Variants in IRF8 observed in about 807,000 individuals in gnomAD.
The protein encoded by IRF8 is interferon consensus sequence binding protein 1.
In IRF8, 14 loss-of-function variants were observed where a neutral mutation model predicts 48.7. The ratio of observed to expected loss-of-function variants is 0.29; its 90% CI spans 0.19 to 0.45. IRF8 has a LOEUF of 0.45. Ranked by LOEUF, IRF8 falls within the 20% of genes least tolerant of loss-of-function variation. IRF8 has a pLI of 1.00. For synonymous variants in IRF8, 278 were observed against 227.3 expected (o/e 1.22, Z -2.01); for missense variants, 493 against 580.7 (o/e 0.85, Z 1.55).
intron 2 of IRF8, among the ~76,000 whole-genome samples, chr16:85,904,421 C>A (rs2152099178): frequency 6.6e-6 from 1 of 152,246 alleles, no homozygotes; most frequent in African/African-American, 2.4e-5. Flanking sequence ...CACCAGAGAA[C>A]AAAAATGACA....
At chr16:85,911,921 T>A (rs1255837821) in intron 4 of IRF8, among the ~76,000 whole-genome samples, 1 of 152,220 alleles carries the variant, frequency 6.6e-6, no homozygotes, top group Non-Finnish European at 1.5e-5. Flanking sequence ...CGGTTATGTG[T>A]CAGTGAAGTT....
intron 5 of IRF8, chr16:85,914,217 T>C (rs893015974): frequency 3.3e-5 from 18 of 541,184 alleles, no homozygotes; most frequent in African/African-American, 1.9e-4. Context: ...CAGTGTCACA[T>C]TGACACATGG....
chr16:85,908,882 A>G, intron 2 of IRF8, 108 bp from the exon 3 acceptor site: 1 of 994,450 alleles, frequency 1.0e-6, no homozygotes, highest in South Asian at 1.3e-5. Context: ...GTTGATGGCC[A>G]ACAAAGATTC....
chr16:85,919,312 A>G (rs1025483652), intron 7 of IRF8, among the ~76,000 whole-genome samples: 15 of 151,994 alleles, frequency 9.9e-5, no homozygotes, highest in African/African-American at 3.6e-4. Flanking sequence ...TGTAGGGAGG[A>G]TGTGTAGGAT....
In IRF8 at chr16:85,921,530, A is replaced by C; in HGVS notation, c.*248A>C. On this transcript the variant is annotated 3_prime_UTR_variant, in exon 9 of 9. Coordinates refer to ENST00000268638, the MANE Select transcript of IRF8 (RefSeq NM_002163.4). ...CCTGTGGCTAAAAATTTTATTTTCT[A>C]TCCTTTACCCGTCATTATCATTAGT... The C allele has an allele frequency of 1.9e-6, 1 of 531,446 alleles. No individual in the cohort carries two copies. The highest frequency in any genetic ancestry group is 3.4e-6 in the Non-Finnish European group (1 of 294,050). The allele number at this position is 531,446 out of a possible 1,614,324, so 32.9% of individuals were successfully genotyped here.
chr16:85,919,998 TG>T, intron 7 of IRF8, 110 bp from the exon 8 acceptor site: 1 of 803,072 alleles, frequency 1.2e-6, no homozygotes, highest in Non-Finnish European at 2.2e-6. Flanking sequence ...CATGGTGCCC[TG>T]GCCTAAATGC....
Position 85,905,935 on chromosome 16 carries a change from C to T in IRF8, c.174+2746C>T, listed in dbSNP as rs567975254. Among the ~76,000 whole-genome samples, 14 of 152,314 alleles carry T rather than the reference C, an allele frequency of 9.2e-5. No homozygotes were observed. In the South Asian group the frequency reaches 1.7e-3, roughly 18 times the overall value. On this transcript the variant is annotated intron_variant, in intron 2 of 8. Coordinates refer to ENST00000268638, the MANE Select transcript of IRF8 (RefSeq NM_002163.4). Reference sequence around the variant, plus strand: ...CTGAGGCCGGCCTCATGGTATAGATCACAGAAGAGAAATTGAAAAAACATT... The same window carrying T: ...CTGAGGCCGGCCTCATGGTATAGATTACAGAAGAGAAATTGAAAAAACATT...
At chr16:85,899,574 C>T (rs1904759516) in intron 1 of IRF8, among the ~76,000 whole-genome samples, 2 of 152,198 alleles carry the variant, frequency 1.3e-5, no homozygotes, top group African/African-American at 4.8e-5. Context: ...TATCATCCCA[C>T]TGAAATTCTA....
At chr16:85,908,274 G>A (rs1467817848) in intron 2 of IRF8, among the ~76,000 whole-genome samples, 1 of 152,062 alleles carries the variant, frequency 6.6e-6, no homozygotes, top group African/African-American at 2.4e-5. Flanking sequence ...CCATTCACCT[G>A]TCTTATTTTT....
At position 85,919,607 on chromosome 16, in the gene IRF8, T is replaced by C. The variant is rs117627333; in HGVS notation, c.989-502T>C. Among the ~76,000 whole-genome samples, 715 of 152,294 alleles carry C rather than the reference T, an allele frequency of 4.7e-3. 8 individuals are homozygous for C. The highest frequency in any genetic ancestry group is 0.024 in the East Asian group (126 of 5,160). On this transcript the variant is annotated intron_variant, in intron 7 of 8. Transcript: ENST00000268638. The stretch of plus-strand genomic sequence containing the variant: ...CAGAAGTGCGTCCTGCAATGTACAT[T>C]CCCGGGCCTACCTCACATCCTCTGA...
At chr16:85,900,792 T>C (rs1369385647) in intron 1 of IRF8, 1 of 152,372 alleles carries the variant, frequency 6.6e-6, no homozygotes, top group East Asian at 1.9e-4. Flanking sequence ...TTAAAATTTC[T>C]TTTTCCTGTA....
At position 85,911,788 on chromosome 16, in the gene IRF8, C is replaced by G. The variant is rs1905152018; in HGVS notation, c.447+130C>G. The G allele has an allele frequency of 3.0e-5, 22 of 740,296 alleles. No individual in the cohort carries two copies. The East Asian group carries it at 6.2e-4, about 21-fold the overall frequency. The allele number at this position is 740,296 out of a possible 1,614,324, so 45.9% of individuals were successfully genotyped here. On this transcript the variant is annotated intron_variant, in intron 4 of 8. Coordinates refer to ENST00000268638, the MANE Select transcript of IRF8 (RefSeq NM_002163.4). Reference sequence around the variant, plus strand: ...CGGGCTCGCTGAGGAAGTGGCATCTCCACCTGTACAGATCTGGAACGGAAG... The same window carrying G: ...CGGGCTCGCTGAGGAAGTGGCATCTGCACCTGTACAGATCTGGAACGGAAG...
chr16:85,912,237 T>C lies in IRF8; in HGVS notation c.447+579T>C, dbSNP rs184291948. Among the ~76,000 whole-genome samples, 347 of 152,350 alleles carry C rather than the reference T, an allele frequency of 2.3e-3. 3 individuals are homozygous for C. Among genetic ancestry groups the C allele is most frequent in the Non-Finnish European group, 3.8e-4 (26 of 68,032 alleles). On this transcript the variant is annotated intron_variant, in intron 4 of 8. Transcript: ENST00000268638. ...CGGGGCCTCCTTAGGCAAGAATACA[T>C]GGCTTTTGTATACCCATTTCAGCTA...
chr16:85,899,449 T>A (rs540319802), intron 1 of IRF8, among the ~76,000 whole-genome samples: 1 of 152,342 alleles, frequency 6.6e-6, no homozygotes, highest in African/African-American at 2.4e-5. Context: ...CAAAGATTGG[T>A]AGATAGATGC....
intron 2 of IRF8, among the ~76,000 whole-genome samples, chr16:85,906,121 T>C (rs1050624158): frequency 6.6e-6 from 1 of 152,330 alleles, no homozygotes. Flanking sequence ...GTAACAGTCC[T>C]GAATGAGTTA....
rs200427807 is a variant in IRF8 at position 85,913,192 on chromosome 16, G to A, written c.509G>A (p.Arg170Gln). Residue 170 changes from arginine (R) to glutamine (Q), a missense_variant, in exon 5 of 9, where the codon CGG becomes CAG. Coordinates refer to ENST00000268638, the MANE Select transcript of IRF8 (RefSeq NM_002163.4). ...KRSPSPPEACRSQLLPDWWAQ... is the reference protein window; with the variant it reads ...KRSPSPPEACQSQLLPDWWAQ... ...AGCCCTTCCCCGCCGGAGGCCTGTC[G>A]GAGTCAGCTCCTTCCAGACTGGTGG... 27 of 1,614,130 alleles carry A rather than the reference G, an allele frequency of 1.7e-5. No individual in the cohort carries two copies. The highest frequency in any genetic ancestry group is 2.2e-5 in the East Asian group (1 of 44,892).
At chr16:85,920,557 C>G (rs1413578864) in intron 8 of IRF8, among the ~76,000 whole-genome samples, 3 of 152,114 alleles carry the variant, frequency 2.0e-5, no homozygotes, top group African/African-American at 7.2e-5. Context: ...GCTTTGAGCC[C>G]TGCATCCAGG....
intron 1 of IRF8, among the ~76,000 whole-genome samples, chr16:85,899,875 A>G (rs181572273): frequency 6.6e-6 from 1 of 152,320 alleles, no homozygotes; most frequent in Admixed American, 6.5e-5. Context: ...AGACTTTCCT[A>G]AGGTGAGATG....
At chr16:85,912,813 C>T (rs376329668) in intron 4 of IRF8, among the ~76,000 whole-genome samples, 1 of 152,296 alleles carries the variant, frequency 6.6e-6, no homozygotes, top group Non-Finnish European at 1.5e-5. Flanking sequence ...AGCTTGTCTG[C>T]GTGTCCAGGG....
Sources: gnomAD v4.1 joint callset for allele counts (sites outside exome capture counted in the v4.1 genomes callset) on GRCh38, gnomAD v4.1.1 for gene constraint, MANE v1.5 for transcripts, NCBI Gene and HGNC (gene_info 2026-07-23, HGNC 2026-07-21) for gene names.